The following SEMA3A variants were observed in gnomAD, a reference collection of about 807,000 sequenced individuals.
SEMA3A encodes semaphorin-3A.
SEMA3A carries 29 observed loss-of-function variants against 97.9 expected under a neutral mutation model. The ratio of observed to expected loss-of-function variants is 0.30; its 90% CI spans 0.22 to 0.40. The LOEUF (loss-of-function observed/expected upper bound fraction) is 0.40, where lower values mean the gene tolerates loss of function less well. SEMA3A is among the 10% of genes least tolerant of loss of function. The pLI is 1.00. For missense variants in SEMA3A, 763 were observed against 951.3 expected (o/e 0.80, Z 2.60); for synonymous variants, 321 against 323.7 (o/e 0.99, Z 0.09).
Position 84,194,591 on chromosome 7 carries a change from C to CA in SEMA3A, c.-6dup. 2.5e-6 allele frequency: 4 copies of CA among 1,573,158 alleles called. No individual in the cohort carries two copies. Among genetic ancestry groups the CA allele is most frequent in the Non-Finnish European group, 3.5e-6 (4 of 1,142,756 alleles). On this transcript the variant is annotated 5_prime_UTR_variant, in exon 1 of 17. Coordinates refer to ENST00000265362, the MANE Select transcript of SEMA3A (RefSeq NM_006080.3). ...AATCCTAGTTAACCAGCCCATGCTGCAGACGCTGTAGGTCCCTTTGCTGCT... is the reference window on the plus strand; with the variant it reads ...AATCCTAGTTAACCAGCCCATGCTGCAAGACGCTGTAGGTCCCTTTGCTGCT...
chr7:84,014,534 A>T (rs1791016068), intron 6 of SEMA3A, among the ~76,000 whole-genome samples, 183 bp from the exon 7 acceptor site: 1 of 152,178 alleles, frequency 6.6e-6, no homozygotes, highest in African/African-American at 2.4e-5. Context: ...CTTACAAAAT[A>T]CCTTATATCT....
chr7:84,245,676 AGTG>A (rs1799461025), intron 3 of SEMA3A, among the ~76,000 whole-genome samples: 1 of 151,954 alleles, frequency 6.6e-6, no homozygotes, highest in Non-Finnish European at 1.5e-5. Flanking sequence ...GGGTAGCACC[AGTG>A]GAGGCTGCAG....
intron 1 of SEMA3A, among the ~76,000 whole-genome samples, chr7:84,166,358 G>A (rs1376007518): frequency 6.6e-6 from 1 of 151,498 alleles, no homozygotes; most frequent in East Asian, 2.0e-4. Flanking sequence ...CAGATCAGGA[G>A]GTCAAGAGAT....
intron 6 of SEMA3A, 24 bp downstream of exon 6, chr7:84,046,300 T>C (rs1792345710): frequency 1.2e-6 from 2 of 1,611,822 alleles, no homozygotes; most frequent in East Asian, 2.2e-5. Flanking sequence ...GTTACATGTC[T>C]ATGTTCTTTC....
At chr7:84,374,476 A>G (rs750281459) in intron 1 of SEMA3A, among the ~76,000 whole-genome samples, 22 of 152,182 alleles carry the variant, frequency 1.4e-4, no homozygotes, top group Admixed American at 1.1e-3. Context: ...GTGTGTGTGT[A>G]TGTGCATACG....
At chr7:84,205,464 A>C (rs1188581450) in intron 3 of SEMA3A, among the ~76,000 whole-genome samples, 2 of 152,228 alleles carry the variant, frequency 1.3e-5, no homozygotes, top group African/African-American at 4.8e-5. Flanking sequence ...ATCTTTTAAC[A>C]GTTTCTCAGA....
intron 2 of SEMA3A, among the ~76,000 whole-genome samples, chr7:84,338,682 C>T (rs17158899): frequency 0.15 from 23,366 of 151,884 alleles, 2,685 homozygotes; most frequent in African/African-American, 0.31. Flanking sequence ...TTAGAAAAGC[C>T]GCAACCATAC....
intron 1 of SEMA3A, among the ~76,000 whole-genome samples, chr7:84,158,111 G>A (rs1344102778): frequency 7.0e-6 from 1 of 142,548 alleles, no homozygotes; most frequent in Non-Finnish European, 1.5e-5. Context: ...TCTTCCCTTT[G>A]CTACATTGAA....
intron 1 of SEMA3A, among the ~76,000 whole-genome samples, chr7:84,416,705 A>G (rs1381661911): frequency 6.6e-6 from 1 of 152,176 alleles, no homozygotes; most frequent in Non-Finnish European, 1.5e-5. Flanking sequence ...GGTAGGAGCT[A>G]TCTTAATTTT....
chr7:84,426,686 T>C (rs1324701346), intron 1 of SEMA3A, among the ~76,000 whole-genome samples: 1 of 152,162 alleles, frequency 6.6e-6, no homozygotes, highest in African/African-American at 2.4e-5. Flanking sequence ...TTTTTCCTTT[T>C]TCACTATTAG....
chr7:84,423,474 A>T (rs1472934789), intron 1 of SEMA3A, among the ~76,000 whole-genome samples: 1 of 152,046 alleles, frequency 6.6e-6, no homozygotes, highest in Non-Finnish European at 1.5e-5. Flanking sequence ...ATTTCACTTA[A>T]CCAAAGAGGT....
At chr7:84,399,858 G>A (rs943019927) in intron 1 of SEMA3A, among the ~76,000 whole-genome samples, 2 of 151,866 alleles carry the variant, frequency 1.3e-5, no homozygotes, top group Non-Finnish European at 2.9e-5. Context: ...ACAAGCTGGT[G>A]TAATGACAGC....
chr7:84,046,582 A>G (rs1792361925), intron 5 of SEMA3A, 139 bp from the exon 6 acceptor site: 1 of 883,702 alleles, frequency 1.1e-6, no homozygotes, highest in Non-Finnish European at 1.7e-6. Context: ...ATCATTATGC[A>G]GTTACTTATT....
At chr7:84,450,682 T>A (rs560807053) in intron 1 of SEMA3A, among the ~76,000 whole-genome samples, 5 of 152,336 alleles carry the variant, frequency 3.3e-5, no homozygotes, top group African/African-American at 1.2e-4. Flanking sequence ...TGTCTCATTG[T>A]ACTAGACCTA....
chr7:84,436,581 T>G (rs1268117470), intron 1 of SEMA3A, among the ~76,000 whole-genome samples: 1 of 152,170 alleles, frequency 6.6e-6, no homozygotes, highest in Non-Finnish European at 1.5e-5. Flanking sequence ...TTTACAAGAT[T>G]GATGTTTAAA....
chr7:84,469,579 T>C (rs1806094725), intron 1 of SEMA3A, among the ~76,000 whole-genome samples: 2 of 152,146 alleles, frequency 1.3e-5, no homozygotes, highest in African/African-American at 4.8e-5. Flanking sequence ...ATTTCTGTGC[T>C]TTTTCCATGG....
At chr7:83,995,153 C>T (rs954107365) in intron 12 of SEMA3A, among the ~76,000 whole-genome samples, 4 of 152,190 alleles carry the variant, frequency 2.6e-5, no homozygotes, top group African/African-American at 9.7e-5. Context: ...CCAAGTGAGG[C>T]AATGCCTCAC....
intron 6 of SEMA3A, among the ~76,000 whole-genome samples, chr7:84,044,475 T>A (rs933517125): frequency 2.6e-5 from 4 of 151,874 alleles, no homozygotes; most frequent in Admixed American, 2.6e-4. Flanking sequence ...TTTTAAAGAA[T>A]AAAGAAGTTA....
At chr7:84,367,230 G>A (rs1557788) in intron 2 of SEMA3A, among the ~76,000 whole-genome samples, 52,841 of 150,912 alleles carry the variant, frequency 0.35, 10,179 homozygotes, top group East Asian at 0.78. Flanking sequence ...AATTATGAAT[G>A]TATGTCCACA....
Sources: allele counts gnomAD v4.1 joint callset (sites outside exome capture counted in the v4.1 genomes callset), GRCh38; gene constraint gnomAD v4.1.1; transcripts MANE v1.5; gene names NCBI Gene and HGNC (gene_info 2026-07-23, HGNC 2026-07-21).